Variants in IDUA observed in about 807,000 individuals in gnomAD.
IDUA encodes alpha-L-iduronidase, also known as iduronidase alpha-L-.
IDUA carries 65 observed loss-of-function variants against 68.9 expected under a neutral mutation model. That is an observed-to-expected ratio of 0.94 (90% CI 0.77 to 1.16). IDUA has a LOEUF of 1.16. Among genes scored for constraint, IDUA ranks in the 50% most tolerant of loss-of-function variants. The pLI, the probability that IDUA is intolerant of heterozygous loss-of-function variation, is 0.00. For missense variants in IDUA, 1,046 were observed against 938.0 expected, an observed-to-expected ratio of 1.12 and a Z score of -1.50; for synonymous variants, 529 against 433.6, an observed-to-expected ratio of 1.22 and a Z score of -2.73.
chr4:996,187 T>C (rs1484135371), intron 2 of IDUA, among the ~76,000 whole-genome samples: 1 of 152,190 alleles, frequency 6.6e-6, no homozygotes, highest in African/African-American at 2.4e-5. Context: ...TGCTCAGCAG[T>C]TGGGAGCTGT....
At chr4:991,654 A>G (rs1362980163) in intron 2 of IDUA, 1 of 1,548,372 alleles carries the variant, frequency 6.5e-7, no homozygotes, top group South Asian at 1.2e-5. Flanking sequence ...CTGCCGTCGG[A>G]CCGGCACCGG....
At chr4:999,408 T>A (rs918629723) in intron 2 of IDUA, among the ~76,000 whole-genome samples, 4 of 152,166 alleles carry the variant, frequency 2.6e-5, no homozygotes, top group Non-Finnish European at 5.9e-5. Context: ...TTGTCATGTG[T>A]GCATTCCTGT....
In IDUA at chr4:1,001,686, G is replaced by T. The variant is rs190934144; in HGVS notation, c.597G>T (p.Leu199=). The change falls in exon 6 of 14, where the codon CTG becomes CTT. Residue 199 remains leucine, a synonymous_variant. Transcript: ENST00000514224. ...DNVSMTMQGF[L]NYYDACSEGL... is the part of the protein sequence containing the mutation. ...AGTGCTCCCCCGGCCCAGGCTTCCT[G>T]AACTACTACGATGCCTGCTCGGAGG... The T allele has an allele frequency of 1.2e-6, 2 of 1,601,228 alleles. No individual in the cohort carries two copies. The highest frequency in any genetic ancestry group is 1.3e-5 in the African/African-American group (1 of 74,976).
At chr4:1,001,446 G>C in intron 4 of IDUA, 22 bp from the exon 5 acceptor site, 1 of 1,602,386 alleles carries the variant, frequency 6.2e-7, no homozygotes, top group East Asian at 2.2e-5. Flanking sequence ...TGTGCTGGGG[G>C]GACAGCAAGG....
chr4:990,268 A>G (rs1207910432), intron 2 of IDUA: 2 of 1,596,850 alleles, frequency 1.3e-6, no homozygotes, highest in Non-Finnish European at 1.7e-6. Flanking sequence ...CTGCGAGGTC[A>G]GGATGGTCAC....
At chr4:1,001,907 C>G (rs1182781829) in intron 6 of IDUA, 26 bp downstream of exon 6, 6 of 1,569,930 alleles carry the variant, frequency 3.8e-6, no homozygotes, top group Non-Finnish European at 5.2e-6. Flanking sequence ...CCGTCCGCCC[C>G]GGTGTTCTGC....
rs931362708 is a variant in IDUA, at chr4:998,143, C to T, written c.300-2469C>T. Among the ~76,000 whole-genome samples, 10 of 145,476 alleles carry T rather than the reference C, an allele frequency of 6.9e-5. 1 individual carries two copies. The highest frequency in any genetic ancestry group is 9.9e-5 in the African/African-American group (4 of 40,488). On this transcript the variant is annotated intron_variant, in intron 2 of 13. Coordinates refer to ENST00000514224, the MANE Select transcript of IDUA (RefSeq NM_000203.5). ...GGAGGGGAGGAGAGGTGGTAGGGGC[C>T]GGGTGGGGTGGACCCCAGGGACTCC... is the stretch of plus-strand genomic sequence containing the variant.
In IDUA at chr4:990,912, C is replaced by T. The variant is rs1278270018; in HGVS notation, c.299+2963C>T. 3 of 545,982 alleles carry T rather than the reference C, an allele frequency of 5.5e-6. No homozygotes were observed. The African/African-American group carries it at 5.7e-5, about 10-fold the overall frequency. 33.8% of individuals were successfully genotyped at this position (545,982 alleles called of 1,614,324 possible). ...AAGGCCATGGCCCACCGGACTGGCT[C>T]CCCGTGCCCCTCCCCTCCTGCATCC... On this transcript the variant is annotated intron_variant, in intron 2 of 13. Coordinates refer to ENST00000514224, the MANE Select transcript of IDUA (RefSeq NM_000203.5).
rs754987516 is a variant in IDUA, at chr4:990,014, C to T, written c.299+2065C>T. 8.9e-6 allele frequency: 14 copies of T among 1,580,272 alleles called. No individual in the cohort carries two copies. The highest frequency in any genetic ancestry group is 4.6e-5 in the South Asian group (4 of 86,704). On this transcript the variant is annotated intron_variant, in intron 2 of 13. Transcript: ENST00000514224. The stretch of plus-strand genomic sequence containing the variant: ...GAGCCAAAGCGCTTGTGGAGCTGCC[C>T]GAAGTGCGACACGAGTGTGGCCACC...
intron 2 of IDUA, among the ~76,000 whole-genome samples, chr4:997,402 C>T (rs1216803527): frequency 2.7e-5 from 4 of 150,618 alleles, no homozygotes; most frequent in Non-Finnish European, 5.9e-5. Context: ...CCCCCACCGC[C>T]TGCGAACCCC....
At chr4:992,309 C>T (rs892167551) in intron 2 of IDUA, 1 of 420,694 alleles carries the variant, frequency 2.4e-6, no homozygotes, top group African/African-American at 2.0e-5. Flanking sequence ...GCCTGCTCTC[C>T]TGGAGACACC....
chr4:997,522 C>T (rs2153020594), intron 2 of IDUA, among the ~76,000 whole-genome samples: 1 of 151,494 alleles, frequency 6.6e-6, no homozygotes, highest in South Asian at 2.1e-4. Context: ...CGGGCGGCCG[C>T]TCAGCCGCGG....
chr4:1,001,182 C>T (rs976566560), intron 4 of IDUA, 193 bp downstream of exon 4: 3 of 613,374 alleles, frequency 4.9e-6, no homozygotes, highest in Non-Finnish European at 8.7e-6. Flanking sequence ...CTGGGGGGTA[C>T]TCCTGGGCTT....
At chr4:994,438 G>A (rs894189130) in intron 2 of IDUA, among the ~76,000 whole-genome samples, 3 of 149,082 alleles carry the variant, frequency 2.0e-5, no homozygotes, top group South Asian at 2.1e-4. Context: ...ACCGCGCCCG[G>A]CTAATTTTTT....
Position 987,152 on chromosome 4 carries a change from T to A in IDUA, c.68T>A (p.Val23Glu). Residue 23 changes from valine to glutamate, a missense_variant, in exon 1 of 14, where the codon GTG (valine) becomes GAG (glutamate). Transcript: ENST00000514224. The stretch of plus-strand genomic sequence containing the variant: ...GCCTCGCTCCTGGCCGCGCCCCCGG[T>A]GGCCCCGGCCGAGGCCCCGCACCTG... ...LLASLLAAPP[V>E]APAEAPHLVH... 7.0e-7 allele frequency: 1 copy of A among 1,418,758 alleles called. No individual in the cohort carries two copies. The highest frequency in any genetic ancestry group is 9.2e-7 in the Non-Finnish European group (1 of 1,092,220). The allele number at this position is 1,418,758 out of a possible 1,614,324, so 87.9% of individuals were successfully genotyped here.
At chr4:989,464 G>A (rs1714048129) in intron 2 of IDUA, 2 of 1,554,072 alleles carry the variant, frequency 1.3e-6, no homozygotes, top group Non-Finnish European at 1.7e-6. Flanking sequence ...GATGACGCCA[G>A]CCAGCAGCCC....
intron 2 of IDUA, among the ~76,000 whole-genome samples, chr4:995,997 G>A (rs2047183511): frequency 6.6e-6 from 1 of 152,088 alleles, no homozygotes; most frequent in South Asian, 2.1e-4. Context: ...GTACCCCTGA[G>A]TGTGAGATTC....
rs368043087 is a variant in IDUA, at chr4:1,004,128, G to A, written c.1828+16G>A. 17 of 1,612,240 alleles carry A rather than the reference G, an allele frequency of 1.1e-5. No individual in the cohort carries two copies. The highest frequency in any genetic ancestry group is 6.7e-5 in the East Asian group (3 of 44,862). On this transcript the variant is annotated intron_variant, in intron 13 of 13. Coordinates refer to ENST00000514224, the MANE Select transcript of IDUA (RefSeq NM_000203.5). This position sits in a 1 kb window ranked among gnomAD's most constrained non-coding sequence, Gnocchi z 5.0. ...TTCAGCCCAGGTGCGCCCACCACCCGCTGCCCTGGACTCGGCCACCCCATT... is the reference window on the plus strand; with the variant it reads ...TTCAGCCCAGGTGCGCCCACCACCCACTGCCCTGGACTCGGCCACCCCATT...
chr4:999,369 G>C (rs1217537384), intron 2 of IDUA, among the ~76,000 whole-genome samples: 2 of 152,104 alleles, frequency 1.3e-5, no homozygotes, highest in African/African-American at 4.8e-5. Flanking sequence ...TTCTGTCTCA[G>C]GCCCACCAGC....
Sources: gnomAD v4.1 joint callset for allele counts (sites outside exome capture counted in the v4.1 genomes callset) on GRCh38, gnomAD v4.1.1 for gene constraint, Gnocchi (gnomAD v3.1) non-coding constraint, MANE v1.5 for transcripts, NCBI Gene and HGNC (gene_info 2026-07-23, HGNC 2026-07-21) for gene names.